Variants in EPM2A observed in about 807,000 individuals in gnomAD.
EPM2A encodes the protein laforin.
In EPM2A, 21 loss-of-function variants were observed where a neutral mutation model predicts 26.5. The observed-to-expected ratio is 0.79, with a 90% confidence interval of 0.56 to 1.14. The LOEUF is 1.14. Ranked by LOEUF, EPM2A falls within the 50% of genes most tolerant of loss-of-function variation. The pLI is 0.00. For missense variants in EPM2A, 458 were observed against 440.8 expected, an observed-to-expected ratio of 1.04 and a Z score of -0.35; for synonymous variants, 217 against 177.6, an observed-to-expected ratio of 1.22 and a Z score of -1.76.
chr6:145,531,954 T>C (rs758717578), intron 2 of EPM2A, among the ~76,000 whole-genome samples: 2 of 152,198 alleles, frequency 1.3e-5, no homozygotes, highest in Non-Finnish European at 2.9e-5. Context: ...TCCCAGCTTC[T>C]AACAATGCGA....
chr6:145,426,799 C>A (rs1361701210), intron 4 of EPM2A, among the ~76,000 whole-genome samples: 1 of 152,060 alleles, frequency 6.6e-6, no homozygotes, highest in African/African-American at 2.4e-5. Context: ...ACTTGTATTT[C>A]TTTGCTTTCA....
At chr6:145,490,144 C>T (rs1466725633) in intron 4 of EPM2A, 35 of 1,092,754 alleles carry the variant, frequency 3.2e-5, no homozygotes, top group Non-Finnish European at 4.4e-5. Flanking sequence ...AGTTTGCACA[C>T]GTTTCTACTG....
intron 4 of EPM2A, among the ~76,000 whole-genome samples, chr6:145,415,658 C>A (rs1394723082): frequency 6.6e-6 from 1 of 152,094 alleles, no homozygotes; most frequent in Non-Finnish European, 1.5e-5. Flanking sequence ...AATAATGACA[C>A]CTCCCATTTG....
intron 2 of EPM2A, among the ~76,000 whole-genome samples, chr6:145,518,595 CAAAAAAAAAAAAA>C (rs55802475): frequency 1.9e-5 from 2 of 102,664 alleles, no homozygotes; most frequent in Non-Finnish European, 4.0e-5. Context: ...TGAAATGCAC[CAAAAAAAAAAAAA>C]AAAAAAAAAA....
chr6:145,420,951 T>C (rs1226875155), intron 4 of EPM2A, among the ~76,000 whole-genome samples: 1 of 152,138 alleles, frequency 6.6e-6, no homozygotes, highest in Non-Finnish European at 1.5e-5. Flanking sequence ...TTAATCCATT[T>C]ATGAGAGCAG....
intron 1 of EPM2A, among the ~76,000 whole-genome samples, chr6:145,687,570 T>C (rs1562490097): frequency 6.6e-6 from 1 of 152,168 alleles, no homozygotes; most frequent in Non-Finnish European, 1.5e-5. Context: ...AAGAAAGACA[T>C]GTAAGCAAAC....
intron 4 of EPM2A, chr6:145,490,081 C>T (rs1228670139): frequency 8.6e-6 from 11 of 1,286,242 alleles, no homozygotes; most frequent in Non-Finnish European, 1.2e-5. Context: ...GCAATGGTAG[C>T]ACACGCACCT....
chr6:145,538,189 C>T (rs1582834872), intron 2 of EPM2A, among the ~76,000 whole-genome samples: 1 of 152,030 alleles, frequency 6.6e-6, no homozygotes, highest in East Asian at 1.9e-4. Context: ...CACTGTCTTC[C>T]ACAATGGTTG....
intron 4 of EPM2A, among the ~76,000 whole-genome samples, chr6:145,399,299 G>A (rs12111208): frequency 6.6e-6 from 1 of 152,134 alleles, no homozygotes; most frequent in Non-Finnish European, 1.5e-5. Flanking sequence ...TGTGACATAA[G>A]AGCTGATCCA....
intron 4 of EPM2A, among the ~76,000 whole-genome samples, chr6:145,388,388 T>A (rs1435273522): frequency 6.6e-6 from 1 of 152,188 alleles, no homozygotes; most frequent in Non-Finnish European, 1.5e-5. Context: ...TGCTAGCTGT[T>A]TCTTGAAGTT....
chr6:145,466,586 G>A (rs1038868358), intron 4 of EPM2A, among the ~76,000 whole-genome samples: 37 of 152,072 alleles, frequency 2.4e-4, no homozygotes, highest in African/African-American at 6.3e-4. Flanking sequence ...TCAGTGTGGC[G>A]ATTCCTCACG....
rs184738217 is a variant in EPM2A at position 145,565,204 on chromosome 6, C to A, written c.341-62629G>T. Among the ~76,000 whole-genome samples, 13 of 147,290 alleles carry A rather than the reference C, an allele frequency of 8.8e-5. No homozygotes were observed. The East Asian group carries it at 2.6e-3, about 29-fold the overall frequency. On this transcript the variant is annotated intron_variant, in intron 2 of 3. Coordinates refer to the EPM2A transcript ENST00000450221. Reference sequence around the variant, plus strand: ...CTATTAGCATGCCCATTCCATGATCCCACAAGGTAGCACCCTTGGTTTTTG... The same window carrying A: ...CTATTAGCATGCCCATTCCATGATCACACAAGGTAGCACCCTTGGTTTTTG...
rs1243479333 is a variant in EPM2A, at chr6:145,584,205, G to A, written c.340+51040C>T. Reference sequence around the variant, plus strand: ...AGGTTGAAGTGGAGTGGGGAAGGCTGCAGGTGAGCTTGTTGTGTCAGTAGG... The same window carrying A: ...AGGTTGAAGTGGAGTGGGGAAGGCTACAGGTGAGCTTGTTGTGTCAGTAGG... On this transcript the variant is annotated intron_variant, in intron 2 of 3. Coordinates refer to the EPM2A transcript ENST00000450221. 2.6e-5 allele frequency among the ~76,000 whole-genome samples: 4 copies of A among 152,202 alleles called. No homozygotes were observed. In the East Asian group the frequency reaches 5.8e-4, roughly 22 times the overall value.
intron 2 of EPM2A, chr6:145,637,692 G>C (rs1477352024): frequency 6.6e-6 from 1 of 152,220 alleles, no homozygotes; most frequent in Admixed American, 6.5e-5. Context: ...AGTGTACTGA[G>C]AGAAAGACCT....
At chr6:145,411,528 T>C (rs527804161) in intron 4 of EPM2A, among the ~76,000 whole-genome samples, 4 of 151,894 alleles carry the variant, frequency 2.6e-5, no homozygotes, top group African/African-American at 9.7e-5. Context: ...ATGAAATCAA[T>C]TAAGTTCAGA....
At chr6:145,465,537 G>A (rs1461326099) in intron 4 of EPM2A, among the ~76,000 whole-genome samples, 1 of 150,076 alleles carries the variant, frequency 6.7e-6, no homozygotes, top group African/African-American at 2.5e-5. Flanking sequence ...TTGGAGAGGA[G>A]AGGCGCTCTG....
intron 4 of EPM2A, among the ~76,000 whole-genome samples, chr6:145,487,940 T>C (rs1330354237): frequency 6.6e-6 from 1 of 152,192 alleles, no homozygotes; most frequent in African/African-American, 2.4e-5. Flanking sequence ...CCAGGGTTTT[T>C]ATAGTTTTGG....
intron 4 of EPM2A, among the ~76,000 whole-genome samples, chr6:145,413,830 C>G (rs534085585): frequency 1.3e-5 from 2 of 152,292 alleles, no homozygotes; most frequent in African/African-American, 2.4e-5. Context: ...CATTTACACA[C>G]TTTTTTCCTC....
At chr6:145,518,232 G>C (rs1780155852) in intron 2 of EPM2A, among the ~76,000 whole-genome samples, 1 of 152,124 alleles carries the variant, frequency 6.6e-6, no homozygotes, top group Admixed American at 6.5e-5. Flanking sequence ...TTTTTGGTTA[G>C]GATAAAGATT....
Sources: gnomAD v4.1 joint callset for allele counts (sites outside exome capture counted in the v4.1 genomes callset) on GRCh38, gnomAD v4.1.1 for gene constraint, MANE v1.5 for transcripts, NCBI Gene and HGNC (gene_info 2026-07-23, HGNC 2026-07-21) for gene names.